The following LOXL3 variants were observed in gnomAD, a reference collection of about 807,000 sequenced individuals.
LOXL3 encodes lysyl oxidase homolog 3.
LOXL3 carries 60 observed loss-of-function variants against 91.8 expected under a neutral mutation model. The ratio of observed to expected loss-of-function variants is 0.65; its 90% CI spans 0.53 to 0.81. The LOEUF (loss-of-function observed/expected upper bound fraction) is 0.81. Among genes scored for constraint, LOXL3 ranks in the 30% least tolerant of loss-of-function variants. The pLI, the probability that LOXL3 is intolerant of heterozygous loss-of-function variation, is 0.00. For synonymous variants in LOXL3, 355 were observed against 387.6 expected, an observed-to-expected ratio of 0.92 and a Z score of 0.99; for missense variants, 874 against 1,000.4, an observed-to-expected ratio of 0.87 and a Z score of 1.70.
chr2:74,532,941 C>T lies in LOXL3; in HGVS notation c.*665G>A, dbSNP rs771374779. The T allele has an allele frequency of 7.4e-6, 12 of 1,613,636 alleles. No individual in the cohort carries two copies. Among genetic ancestry groups the T allele is most frequent in the African/African-American group, 2.7e-5 (2 of 74,750 alleles). ...GTTGGCAGTGCAGATCCGGCGGGGA[C>T]GAGAAACACTGACCTTATATGTGAC... On this transcript the variant is annotated 3_prime_UTR_variant, in exon 14 of 14. Transcript: ENST00000264094.
intron 4 of LOXL3, among the ~76,000 whole-genome samples, chr2:74,548,388 C>A (rs1415519685): frequency 6.6e-6 from 1 of 152,168 alleles, no homozygotes; most frequent in African/African-American, 2.4e-5. Flanking sequence ...ATGACAAGTT[C>A]AGTATAAGCA....
intron 1 of LOXL3, chr2:74,552,904 A>G: frequency 2.3e-6 from 1 of 437,282 alleles, no homozygotes; most frequent in Non-Finnish European, 4.1e-6. Context: ...CGAGAGTCAG[A>G]GAAGGGTCAA....
intron 4 of LOXL3, among the ~76,000 whole-genome samples, chr2:74,541,570 T>C (rs1676323632): frequency 1.3e-5 from 2 of 152,124 alleles, no homozygotes; most frequent in South Asian, 4.1e-4. Context: ...TGGTGTGAAA[T>C]TTTTTCTCCA....
intron 4 of LOXL3, among the ~76,000 whole-genome samples, chr2:74,540,112 G>A (rs1489019347): frequency 1.3e-5 from 2 of 152,198 alleles, no homozygotes; most frequent in Non-Finnish European, 2.9e-5. Flanking sequence ...CTCCCAAAGT[G>A]TTGGGATTAC....
rs769251016 is a variant in LOXL3 at position 74,536,684 on chromosome 2, A to G, written c.912+25T>C. On this transcript the variant is annotated intron_variant, in intron 5 of 13. Transcript: ENST00000264094. The surrounding 1 kb of genome is among the most constrained non-coding windows in gnomAD (Gnocchi z 4.5). ...AGGGGTTCTCCACCTGGGGTGGGAAAGGTCATAATCACTGTCTCACACACC... is the reference window on the plus strand; with the variant it reads ...AGGGGTTCTCCACCTGGGGTGGGAAGGGTCATAATCACTGTCTCACACACC... 1.9e-6 allele frequency: 3 copies of G among 1,608,122 alleles called. No individual in the cohort carries two copies. The highest frequency in any genetic ancestry group is 8.5e-7 in the Non-Finnish European group (1 of 1,175,038).
chr2:74,552,322 CT>C lies in LOXL3; in HGVS notation c.312del (p.Gly105AlafsTer8), dbSNP rs1677068320. On this transcript the variant is annotated frameshift_variant and splice_region_variant, in exon 2 of 14. Coordinates refer to ENST00000264094, the MANE Select transcript of LOXL3 (RefSeq NM_032603.5). LOFTEE classifies it high-confidence loss of function. ...WTHSAKYGPG[T>X]GRIWLDNLSC... ...AGGATATGCCTGGATCATTGCTCAC[CT>C]GTTCCAGGGCCATATTTGGCACTGT... 1 of 1,595,190 alleles carries C rather than the reference CT, an allele frequency of 6.3e-7. No individual in the cohort carries two copies. The highest frequency in any genetic ancestry group is 8.6e-7 in the Non-Finnish European group (1 of 1,164,370).
chr2:74,536,343 C>T lies in LOXL3; in HGVS notation c.1041G>A (p.Glu347=), dbSNP rs540473660. 12 of 1,614,130 alleles carry T rather than the reference C, an allele frequency of 7.4e-6. No homozygotes were observed. In the African/African-American group the frequency reaches 1.1e-4, roughly 14 times the overall value. ...CTTCTCGAGCACTCCCGAAGCCCAG[C>T]TCCCGACACACCACGCTGGCTGCAT... is the stretch of plus-strand genomic sequence containing the variant. The part of the protein sequence containing the change: ...DLHAASVVCR[E]LGFGSAREAL... Residue 347 remains glutamate, a synonymous_variant, in exon 6 of 14, where the codon GAG becomes GAA. Coordinates refer to ENST00000264094, the MANE Select transcript of LOXL3 (RefSeq NM_032603.5). The surrounding 1 kb of genome is among the most constrained non-coding windows in gnomAD (Gnocchi z 4.5).
intron 4 of LOXL3, among the ~76,000 whole-genome samples, chr2:74,542,330 G>C (rs549270002): frequency 9.9e-5 from 15 of 151,640 alleles, no homozygotes; most frequent in Non-Finnish European, 2.1e-4. Context: ...AACAAACAAA[G>C]AAAAAACCCA....
Position 74,550,261 on chromosome 2 carries a change from C to T in LOXL3, c.401G>A (p.Cys134Tyr). The T allele has an allele frequency of 1.9e-6, 3 of 1,614,182 alleles. No individual in the cohort carries two copies. The highest frequency in any genetic ancestry group is 2.5e-6 in the Non-Finnish European group (3 of 1,180,034). ...GACCCCAGCATCCTCATCGTGCGTA[C>T]AGTCACTGTTCCCCCAGCCCCGGGA... Reference protein sequence around the residue: ...CASRGWGNSDCTHDEDAGVIC... With the variant: ...CASRGWGNSDYTHDEDAGVIC... The change falls in exon 3 of 14, where the codon TGT (cysteine) becomes TAT (tyrosine). Residue 134 changes from cysteine (C) to tyrosine (Y), a missense_variant. Transcript: ENST00000264094.
Position 74,532,922 on chromosome 2 carries a change from A to G in LOXL3, c.*684T>C. On this transcript the variant is annotated 3_prime_UTR_variant, in exon 14 of 14. Coordinates refer to ENST00000264094, the MANE Select transcript of LOXL3 (RefSeq NM_032603.5). ...CTGTTCGAACCCAATCCCAGTTGGC[A>G]GTGCAGATCCGGCGGGGACGAGAAA... 6.2e-7 allele frequency: 1 copy of G among 1,614,148 alleles called. No individual in the cohort carries two copies. Among genetic ancestry groups the G allele is most frequent in the Non-Finnish European group, 8.5e-7 (1 of 1,180,020 alleles).
chr2:74,548,377 G>A (rs1377383590), intron 4 of LOXL3, among the ~76,000 whole-genome samples: 2 of 152,226 alleles, frequency 1.3e-5, no homozygotes. Context: ...GGTTTTAAGT[G>A]ATGACAAGTT....
In LOXL3 at chr2:74,532,488, A is replaced by G. The variant is rs565783093; in HGVS notation, c.*1118T>C. 2 of 733,886 alleles carry G rather than the reference A, an allele frequency of 2.7e-6. No individual in the cohort carries two copies. Among genetic ancestry groups the G allele is most frequent in the South Asian group, 1.5e-5 (1 of 67,576 alleles). 45.5% of individuals were successfully genotyped at this position (733,886 alleles called of 1,614,324 possible). A position where few individuals can be genotyped will look rare whatever the true frequency, so the allele number is the denominator to read the frequency against. On this transcript the variant is annotated 3_prime_UTR_variant, in exon 14 of 14. Transcript: ENST00000264094. ...GCTAGAAGACAGAAAGTGAGTTGCC[A>G]TTGTATTTTGTAGTACCTAGCCCAT...
chr2:74,544,630 A>G (rs937087250), intron 4 of LOXL3, among the ~76,000 whole-genome samples: 7 of 152,230 alleles, frequency 4.6e-5, no homozygotes, highest in Admixed American at 2.0e-4. Flanking sequence ...TTCTTATTCT[A>G]AAGTTCTACA....
intron 2 of LOXL3, among the ~76,000 whole-genome samples, chr2:74,551,136 G>A (rs1427387073): frequency 2.0e-5 from 3 of 152,162 alleles, no homozygotes; most frequent in African/African-American, 7.2e-5. Flanking sequence ...TTTCAACCAT[G>A]TTGGCCAGGC....
rs754216835 is a variant in LOXL3, at chr2:74,535,619, A to T, written c.1385T>A (p.Leu462Gln). ...TLEAMVACRQ[L>Q]GLGYANHGLQ... Reference sequence around the variant, plus strand: ...GCCGTGGTTGGCGTAGCCCAGACCCAGTTGCCTACAGGCCACCATGGCCTC... The same window carrying T: ...GCCGTGGTTGGCGTAGCCCAGACCCTGTTGCCTACAGGCCACCATGGCCTC... Residue 462 changes from leucine (L) to glutamine (Q), a missense_variant, in exon 8 of 14, where the codon CTG becomes CAG. By Grantham distance (113) the Leu-to-Gln change is moderately radical. Transcript: ENST00000264094. The surrounding 1 kb of genome is among the most constrained non-coding windows in gnomAD (Gnocchi z 4.2). 1 of 1,614,030 alleles carries T rather than the reference A, an allele frequency of 6.2e-7. No homozygotes were observed. The highest frequency in any genetic ancestry group is 8.5e-7 in the Non-Finnish European group (1 of 1,179,988).
At chr2:74,555,126 C>T (rs1329314902), upstream of LOXL3, 4 of 1,591,958 alleles carry the variant, frequency 2.5e-6, no homozygotes, top group Non-Finnish European at 2.6e-6. This position sits in a 1 kb window ranked among gnomAD's most constrained non-coding sequence, Gnocchi z 6.1. Flanking sequence ...ACGCCACTCC[C>T]TCTCGAGCAC....
rs1252934384 is a variant in LOXL3 at position 74,550,320 on chromosome 2, G to A, written c.342C>T (p.Cys114=). 6.2e-7 allele frequency: 1 copy of A among 1,614,022 alleles called. No individual in the cohort carries two copies. Among genetic ancestry groups the A allele is most frequent in the South Asian group, 1.1e-5 (1 of 91,076 alleles). The change falls in exon 3 of 14, where the codon TGC becomes TGT. Residue 114 remains cysteine (C), a synonymous_variant. Coordinates refer to ENST00000264094, the MANE Select transcript of LOXL3 (RefSeq NM_032603.5). ...TGRIWLDNLS[C]SGTEQSVTEC... ...CAGTCACACTCTGCTCGGTCCCACTGCAGCTCAAGTTGTCCAGCCAGATGC... is the reference window on the plus strand; with the variant it reads ...CAGTCACACTCTGCTCGGTCCCACTACAGCTCAAGTTGTCCAGCCAGATGC...
intron 4 of LOXL3, among the ~76,000 whole-genome samples, chr2:74,541,433 G>T (rs1013524193): frequency 6.6e-6 from 1 of 152,208 alleles, no homozygotes; most frequent in African/African-American, 2.4e-5. Flanking sequence ...TTCTTCCTGA[G>T]GATGTACTTA....
chr2:74,540,515 G>A (rs1382150657), intron 4 of LOXL3, among the ~76,000 whole-genome samples: 1 of 152,086 alleles, frequency 6.6e-6, no homozygotes, highest in Non-Finnish European at 1.5e-5. Context: ...AATATCCAAG[G>A]GCGTTAACTT....
Sources: allele counts gnomAD v4.1 joint callset (sites outside exome capture counted in the v4.1 genomes callset), GRCh38; gene constraint gnomAD v4.1.1; non-coding constraint Gnocchi (gnomAD v3.1); transcripts MANE v1.5; gene names NCBI Gene and HGNC (gene_info 2026-07-23, HGNC 2026-07-21).